VPS39: variants seen among roughly 807,000 people sequenced by gnomAD.
VPS39 encodes the protein VPS39 subunit of HOPS complex.
In VPS39, 70 loss-of-function variants were observed where a neutral mutation model predicts 121.0. That is an observed-to-expected ratio of 0.58 (90% CI 0.48 to 0.71). The LOEUF (loss-of-function observed/expected upper bound fraction) is 0.71. VPS39 is among the 30% of genes least tolerant of loss of function. The pLI is 0.00. For synonymous variants in VPS39, 378 were observed against 398.1 expected (o/e 0.95, Z 0.60); for missense variants, 818 against 1,051.5 (o/e 0.78, Z 3.07).
chr15:42,167,693 C>T (rs1461899674), intron 12 of VPS39, among the ~76,000 whole-genome samples, 156 bp from the exon 13 acceptor site: 3 of 152,150 alleles, frequency 2.0e-5, no homozygotes, highest in African/African-American at 7.2e-5. Flanking sequence ...GCCACAGAGA[C>T]AACAACAATT....
chr15:42,167,886 A>C (rs2049276355), intron 12 of VPS39, among the ~76,000 whole-genome samples: 1 of 152,214 alleles, frequency 6.6e-6, no homozygotes, highest in African/African-American at 2.4e-5. Flanking sequence ...TCCAAAGCCC[A>C]TGTTCTTTTA....
intron 2 of VPS39, among the ~76,000 whole-genome samples, chr15:42,192,811 T>C (rs940156151): frequency 6.6e-6 from 1 of 152,102 alleles, no homozygotes; most frequent in East Asian, 1.9e-4. Flanking sequence ...CAGAGTCTCA[T>C]TCTGTTGCCC....
intron 11 of VPS39, among the ~76,000 whole-genome samples, chr15:42,172,404 C>T (rs2140849417): frequency 6.6e-6 from 1 of 152,318 alleles, no homozygotes; most frequent in Middle Eastern, 3.4e-3. Context: ...GATGGTAGCC[C>T]AGGTGACATA....
chr15:42,182,328 T>C (rs2049597433), intron 8 of VPS39, among the ~76,000 whole-genome samples: 1 of 152,214 alleles, frequency 6.6e-6, no homozygotes. Context: ...CTTTCTCCTT[T>C]TAAAATCTGT....
At chr15:42,181,141 A>C (rs562345753) in intron 8 of VPS39, among the ~76,000 whole-genome samples, 53 of 152,360 alleles carry the variant, frequency 3.5e-4, no homozygotes, top group African/African-American at 1.2e-3. Flanking sequence ...CGGATGGATA[A>C]ACAAAATGTG....
intron 2 of VPS39, among the ~76,000 whole-genome samples, chr15:42,191,861 C>T (rs528945956): frequency 7.9e-5 from 12 of 152,262 alleles, no homozygotes; most frequent in Admixed American, 6.5e-4. Flanking sequence ...AAAATCAGTA[C>T]CTTGGCAAAG....
chr15:42,172,290 C>A (rs1179152053), intron 11 of VPS39, among the ~76,000 whole-genome samples: 2 of 152,168 alleles, frequency 1.3e-5, no homozygotes, highest in Non-Finnish European at 2.9e-5. Context: ...TGAAGAGAGA[C>A]CCCCTTGGAC....
chr15:42,161,394 A>T, intron 24 of VPS39: 1 of 488,460 alleles, frequency 2.0e-6, no homozygotes, highest in East Asian at 4.1e-5. Flanking sequence ...GCAGACCTAC[A>T]TCTCTTGGGC....
At chr15:42,203,436 T>G (rs1342709924) in intron 1 of VPS39, among the ~76,000 whole-genome samples, 1 of 150,880 alleles carries the variant, frequency 6.6e-6, no homozygotes, top group Admixed American at 6.6e-5. Context: ...ATCGTACCAC[T>G]GCACTCCAGC....
intron 10 of VPS39, among the ~76,000 whole-genome samples, chr15:42,174,619 C>G (rs1192682966): frequency 1.3e-5 from 2 of 152,148 alleles, no homozygotes; most frequent in Non-Finnish European, 2.9e-5. Context: ...GGAGGGGTCC[C>G]CAATCCAGTC....
intron 2 of VPS39, chr15:42,192,179 GC>G (rs2049842356): frequency 1.4e-6 from 2 of 1,399,598 alleles, no homozygotes; most frequent in African/African-American, 2.8e-5. Flanking sequence ...AAAATATTCA[GC>G]CTCAAAAGTC....
At chr15:42,205,783 A>G (rs1434526005) in intron 1 of VPS39, among the ~76,000 whole-genome samples, 1 of 152,238 alleles carries the variant, frequency 6.6e-6, no homozygotes, top group East Asian at 1.9e-4. Context: ...TACTACAGTA[A>G]TTCAGGTGAC....
chr15:42,207,964 G>A (rs2050209987), intron 1 of VPS39, 117 bp downstream of exon 1: 2 of 1,103,068 alleles, frequency 1.8e-6, no homozygotes, highest in African/African-American at 3.1e-5. Flanking sequence ...AGCCCCTCTC[G>A]TGTAGCATCC....
intron 7 of VPS39, among the ~76,000 whole-genome samples, chr15:42,187,069 C>G (rs1450075908): frequency 6.6e-6 from 1 of 152,140 alleles, no homozygotes; most frequent in East Asian, 1.9e-4. Context: ...AAGAACTGAG[C>G]GTTGACTCTT....
chr15:42,178,906 C>T (rs2049515807), intron 8 of VPS39: 1 of 215,352 alleles, frequency 4.6e-6, no homozygotes, highest in African/African-American at 2.3e-5. Context: ...ACTCAGGAGG[C>T]TGAGGTGGGA....
chr15:42,199,960 C>A lies in VPS39; in HGVS notation c.75G>T (p.Glu25Asp), dbSNP rs753956628. 1.3e-6 allele frequency: 2 copies of A among 1,570,478 alleles called. No individual in the cohort carries two copies. Among genetic ancestry groups the A allele is most frequent in the Admixed American group, 2.0e-5 (1 of 49,928 alleles). The change falls in exon 2 of 25, where the codon GAG (glutamate) becomes GAT (aspartate). Residue 25 changes from glutamate (E) to aspartate (D), a missense_variant and splice_region_variant. Transcript: ENST00000318006. ...GTTTGGTTCCCACAAGAAGCCATTCCTCTGGAAAAACAAAACAAAACAAAA... is the reference window on the plus strand; with the variant it reads ...GTTTGGTTCCCACAAGAAGCCATTCATCTGGAAAAACAAAACAAAACAAAA... ...PLQIDCLAAW[E>D]EWLLVGTKQG...
Position 42,166,790 on chromosome 15 carries a change from TC to T in VPS39, c.1500del (p.Lys501ArgfsTer22). On this transcript the variant is annotated frameshift_variant, in exon 14 of 25. Coordinates refer to ENST00000318006, the MANE Select transcript of VPS39 (RefSeq NM_015289.5). LOFTEE classifies it high-confidence loss of function. ...KYSELIILYEKKGLHEKALQV... is the reference protein window; with the variant it reads ...KYSELIILYEXKGLHEKALQV... Reference sequence around the variant, plus strand: ...CCCACACCTTTCTCGTGGAGCCCCTTCTTCTCATACAGGATGATAAGCTCAC... The same window carrying T: ...CCCACACCTTTCTCGTGGAGCCCCTTTTCTCATACAGGATGATAAGCTCAC... 1.9e-6 allele frequency: 3 copies of T among 1,614,148 alleles called. No individual in the cohort carries two copies. Among genetic ancestry groups the T allele is most frequent in the Non-Finnish European group, 2.5e-6 (3 of 1,179,978 alleles).
chr15:42,181,749 C>T (rs553882664), intron 8 of VPS39, among the ~76,000 whole-genome samples: 8 of 151,626 alleles, frequency 5.3e-5, no homozygotes, highest in Non-Finnish European at 7.4e-5. Context: ...TCTATAGGCC[C>T]GGCTGGAATG....
chr15:42,170,567 G>T (rs535096880), intron 11 of VPS39, among the ~76,000 whole-genome samples: 40 of 152,058 alleles, frequency 2.6e-4, no homozygotes, highest in Non-Finnish European at 2.9e-4. Context: ...GCAATAAAAT[G>T]TAAGACTTCA....
Sources: allele counts gnomAD v4.1 joint callset (sites outside exome capture counted in the v4.1 genomes callset), GRCh38; gene constraint gnomAD v4.1.1; transcripts MANE v1.5; gene names NCBI Gene and HGNC (gene_info 2026-07-23, HGNC 2026-07-21).